RBMS3: variants seen among roughly 807,000 people sequenced by gnomAD.
RBMS3 encodes the protein RNA-binding motif, single-stranded-interacting protein 3.
Under a neutral mutation model 66.8 loss-of-function variants are expected in RBMS3, and 27 were observed. The ratio of observed to expected loss-of-function variants is 0.40; its 90% CI spans 0.30 to 0.56. The LOEUF (loss-of-function observed/expected upper bound fraction) is 0.56. RBMS3 is among the 20% of genes least tolerant of loss of function. The probability of loss-of-function intolerance (pLI) is 0.40; values close to 1 mark genes in which losing one functional copy is unlikely to be tolerated. For synonymous variants in RBMS3, 188 were observed against 183.0 expected, an observed-to-expected ratio of 1.03 and a Z score of -0.22; for missense variants, 513 against 549.5, an observed-to-expected ratio of 0.93 and a Z score of 0.66.
At chr3:29,442,631 G>A (rs138237023) in intron 2 of RBMS3, among the ~76,000 whole-genome samples, 133 of 152,224 alleles carry the variant, frequency 8.7e-4, no homozygotes, top group African/African-American at 3.2e-3. Context: ...CAGATCTCAT[G>A]CTGAATGCCT....
At chr3:29,619,257 A>G (rs952258776) in intron 4 of RBMS3, among the ~76,000 whole-genome samples, 1 of 142,028 alleles carries the variant, frequency 7.0e-6, no homozygotes, top group Non-Finnish European at 1.5e-5. Flanking sequence ...TGTTCTGTAC[A>G]TGTATTTTAT....
chr3:29,900,134 G>C (rs1182109731), intron 10 of RBMS3, among the ~76,000 whole-genome samples: 1 of 151,698 alleles, frequency 6.6e-6, no homozygotes, highest in African/African-American at 2.4e-5. Flanking sequence ...TATTCTACAA[G>C]GAAACTCTTT....
intron 4 of RBMS3, among the ~76,000 whole-genome samples, chr3:29,726,043 G>A (rs539394306): frequency 2.6e-5 from 4 of 152,154 alleles, no homozygotes; most frequent in Middle Eastern, 3.2e-3. Context: ...GGGATGCAAG[G>A]CTGGTTCAAC....
chr3:29,358,554 T>G (rs968646243), intron 1 of RBMS3, among the ~76,000 whole-genome samples: 1 of 149,686 alleles, frequency 6.7e-6, no homozygotes, highest in African/African-American at 2.4e-5. Context: ...CATATGAACT[T>G]TAAAGTAGTT....
intron 3 of RBMS3, among the ~76,000 whole-genome samples, chr3:29,512,683 A>G (rs2044461129): frequency 6.6e-6 from 1 of 151,026 alleles, no homozygotes; most frequent in Non-Finnish European, 1.5e-5. Context: ...CCAAACAAAA[A>G]GCGGCGGTGG....
At chr3:29,626,635 A>C (rs2049070733) in intron 4 of RBMS3, among the ~76,000 whole-genome samples, 1 of 152,236 alleles carries the variant, frequency 6.6e-6, no homozygotes, top group Non-Finnish European at 1.5e-5. Context: ...ATGGGAATAT[A>C]CAGATATTGT....
At chr3:29,737,568 C>T (rs1433482915) in intron 4 of RBMS3, among the ~76,000 whole-genome samples, 1 of 152,014 alleles carries the variant, frequency 6.6e-6, no homozygotes, top group South Asian at 2.1e-4. Flanking sequence ...GTAATATTTG[C>T]CAAACTACTT....
intron 11 of RBMS3, among the ~76,000 whole-genome samples, chr3:29,941,622 GA>G (rs1424469937): frequency 6.6e-6 from 1 of 151,712 alleles, no homozygotes; most frequent in Non-Finnish European, 1.5e-5. Context: ...CTAGTAGTAC[GA>G]GTGTGTATTT....
intron 3 of RBMS3, among the ~76,000 whole-genome samples, chr3:29,505,374 T>C (rs575085822): frequency 6.6e-6 from 1 of 152,100 alleles, no homozygotes; most frequent in African/African-American, 2.4e-5. Context: ...TGTAATCACA[T>C]GGATTTGTTT....
intron 1 of RBMS3, among the ~76,000 whole-genome samples, chr3:29,305,349 C>T (rs2033936060): frequency 6.6e-6 from 1 of 151,924 alleles, no homozygotes; most frequent in East Asian, 1.9e-4. Context: ...GTAAGGTCTA[C>T]AAGAGCAGAT....
chr3:29,698,739 G>A (rs1217207584), intron 4 of RBMS3: 1 of 442,686 alleles, frequency 2.3e-6, no homozygotes, highest in Non-Finnish European at 3.0e-6. Context: ...ATTAAGGAGA[G>A]GACACTTTAC....
chr3:29,378,877 G>C (rs978229555), intron 1 of RBMS3, among the ~76,000 whole-genome samples: 1 of 151,966 alleles, frequency 6.6e-6, no homozygotes, highest in Non-Finnish European at 1.5e-5. Context: ...CATTCATATG[G>C]GAATATACTT....
Position 29,756,565 on chromosome 3 carries a change from GA to G in RBMS3, c.558-6337del, listed in dbSNP as rs557312485. 3.9e-4 allele frequency among the ~76,000 whole-genome samples: 59 copies of G among 151,628 alleles called. 1 individual carries two copies. Among genetic ancestry groups the G allele is most frequent in the South Asian group, 3.3e-3 (16 of 4,780 alleles). On this transcript the variant is annotated intron_variant, in intron 5 of 14. Transcript: ENST00000383767. ...TACTCACTATCATGAGAACAGCACAGAAAAAAAACCCACCCCCATGATTCGA... is the reference window on the plus strand; with the variant it reads ...TACTCACTATCATGAGAACAGCACAGAAAAAAACCCACCCCCATGATTCGA...
intron 1 of RBMS3, among the ~76,000 whole-genome samples, chr3:29,332,333 T>G (rs2035713149): frequency 6.6e-6 from 1 of 152,168 alleles, no homozygotes; most frequent in Non-Finnish European, 1.5e-5. Context: ...CTCCTTTTGT[T>G]TTTTTTCCTA....
In RBMS3 at chr3:29,940,212, C is replaced by T. The variant is rs373711816; in HGVS notation, c.1051-3995C>T. Reference sequence around the variant, plus strand: ...TGTAATAGTTTCCTAACCGTTCTTCCTGCTTTCAATTTCAATTTGCTCCAA... The same window carrying T: ...TGTAATAGTTTCCTAACCGTTCTTCTTGCTTTCAATTTCAATTTGCTCCAA... On this transcript the variant is annotated intron_variant, in intron 11 of 14. Transcript: ENST00000383767. 1.9e-4 allele frequency among the ~76,000 whole-genome samples: 29 copies of T among 151,962 alleles called. 2 individuals carry two copies. Among genetic ancestry groups the T allele is most frequent in the African/African-American group, 6.7e-4 (28 of 41,496 alleles).
chr3:29,656,096 T>G (rs1033960076), intron 4 of RBMS3, among the ~76,000 whole-genome samples: 4 of 152,154 alleles, frequency 2.6e-5, no homozygotes, highest in Non-Finnish European at 5.9e-5. Flanking sequence ...AAAAAATTTA[T>G]AAGGTAAAAA....
intron 4 of RBMS3, among the ~76,000 whole-genome samples, chr3:29,621,217 G>A (rs1275268060): frequency 6.6e-6 from 1 of 150,804 alleles, no homozygotes; most frequent in African/African-American, 2.4e-5. Flanking sequence ...TTGGGTGAAA[G>A]ACAGCATAAT....
intron 3 of RBMS3, among the ~76,000 whole-genome samples, chr3:29,532,805 A>C (rs953108476): frequency 6.6e-6 from 1 of 152,186 alleles, no homozygotes; most frequent in Non-Finnish European, 1.5e-5. Flanking sequence ...AGCAACTCAA[A>C]AACACTGTAA....
intron 10 of RBMS3, among the ~76,000 whole-genome samples, chr3:29,912,210 T>C: frequency 6.6e-6 from 1 of 152,076 alleles, no homozygotes; most frequent in Non-Finnish European, 1.5e-5. Flanking sequence ...TAGTTCGCAA[T>C]ATTTCTCCCG....
Sources: gnomAD v4.1 joint callset for allele counts (sites outside exome capture counted in the v4.1 genomes callset) on GRCh38, gnomAD v4.1.1 for gene constraint, MANE v1.5 for transcripts, NCBI Gene and HGNC (gene_info 2026-07-23, HGNC 2026-07-21) for gene names.